Variants in RORA observed in about 807,000 individuals in gnomAD.
The protein encoded by RORA is RAR related orphan receptor A.
Under a neutral mutation model 69.5 loss-of-function variants are expected in RORA, and 7 were observed. That is an observed-to-expected ratio of 0.10 (90% CI 0.06 to 0.19). RORA has a LOEUF of 0.19. Among genes scored for constraint, RORA ranks in the 10% least tolerant of loss-of-function variants. RORA has a pLI of 1.00. For synonymous variants in RORA, 261 were observed against 240.8 expected (o/e 1.08, Z -0.78); for missense variants, 457 against 663.0 (o/e 0.69, Z 3.41).
chr15:61,071,032 G>A (rs1175267218), intron 1 of RORA, among the ~76,000 whole-genome samples: 1 of 151,304 alleles, frequency 6.6e-6, no homozygotes, highest in Non-Finnish European at 1.5e-5. Flanking sequence ...CTGCTGAAAA[G>A]CCATAGTGTA....
In RORA at chr15:60,574,583, C is replaced by T. The variant is rs143965330; in HGVS notation, c.197-42732G>A. Among the ~76,000 whole-genome samples the T allele has an allele frequency of 1.7e-3, 264 of 152,308 alleles. 1 individual carries two copies. Among genetic ancestry groups the T allele is most frequent in the African/African-American group, 6.0e-3 (250 of 41,570 alleles). ...AATACGTGATGTGTACCATTTACCA[C>T]GTGTACAAGAGGATGAGAGGATGGG... On this transcript the variant is annotated intron_variant, in intron 2 of 10. Coordinates refer to ENST00000335670, the MANE Select transcript of RORA (RefSeq NM_134261.3).
chr15:60,840,735 T>TG (rs2073185565), intron 1 of RORA, among the ~76,000 whole-genome samples: 1 of 152,168 alleles, frequency 6.6e-6, no homozygotes, highest in Admixed American at 6.5e-5. Context: ...ATCCCAGGAA[T>TG]GGGGGGCTTA....
intron 1 of RORA, among the ~76,000 whole-genome samples, chr15:60,800,089 C>A (rs1372773302): frequency 1.3e-5 from 2 of 152,236 alleles, no homozygotes; most frequent in African/African-American, 4.8e-5. Flanking sequence ...GCCACCCTCA[C>A]GTTGGTTGCC....
At chr15:61,107,609 C>T (rs2078963376) in intron 1 of RORA, among the ~76,000 whole-genome samples, 1 of 151,706 alleles carries the variant, frequency 6.6e-6, no homozygotes, top group African/African-American at 2.4e-5. Context: ...ACTCTGGAAG[C>T]ACCTAAGATC....
At chr15:60,676,039 C>T (rs942775990) in intron 2 of RORA, among the ~76,000 whole-genome samples, 2 of 152,052 alleles carry the variant, frequency 1.3e-5, no homozygotes, top group Admixed American at 6.6e-5. Context: ...TGAATTCATA[C>T]ACTTCACTGA....
At chr15:60,705,820 A>G (rs1010999656) in intron 1 of RORA, among the ~76,000 whole-genome samples, 4 of 152,232 alleles carry the variant, frequency 2.6e-5, no homozygotes, top group African/African-American at 7.2e-5. Flanking sequence ...TTGCTTAATG[A>G]TCCTACAAGG....
intron 1 of RORA, among the ~76,000 whole-genome samples, chr15:60,929,905 T>C (rs1365681271): frequency 4.6e-5 from 7 of 152,158 alleles, no homozygotes; most frequent in Non-Finnish European, 8.8e-5. Flanking sequence ...GTTCTTGCCT[T>C]CAGACGCATA....
At chr15:60,541,191 T>C (rs1404808999) in intron 2 of RORA, among the ~76,000 whole-genome samples, 1 of 152,196 alleles carries the variant, frequency 6.6e-6, no homozygotes, top group East Asian at 1.9e-4. Flanking sequence ...TTAGAACTCC[T>C]AGAAATTCAA....
chr15:61,012,299 A>G (rs1373128682), intron 1 of RORA, among the ~76,000 whole-genome samples: 2 of 152,192 alleles, frequency 1.3e-5, no homozygotes, highest in Non-Finnish European at 2.9e-5. Context: ...CGCTTTCCCA[A>G]TTTGTTCCTA....
At chr15:61,212,438 C>T (rs1302236633) in intron 1 of RORA, among the ~76,000 whole-genome samples, 1 of 152,142 alleles carries the variant, frequency 6.6e-6, no homozygotes, top group Admixed American at 6.5e-5. Flanking sequence ...CTCACTCTGT[C>T]GCCCAGGCTG....
At chr15:61,107,775 T>C (rs970872907) in intron 1 of RORA, among the ~76,000 whole-genome samples, 1 of 151,824 alleles carries the variant, frequency 6.6e-6, no homozygotes, top group African/African-American at 2.4e-5. Context: ...TTTCAGATGG[T>C]TTCCTCTCCC....
chr15:60,864,887 C>G (rs1455934941), intron 1 of RORA, among the ~76,000 whole-genome samples: 1 of 152,110 alleles, frequency 6.6e-6, no homozygotes, highest in Non-Finnish European at 1.5e-5. Context: ...TCACAGAGCA[C>G]CAAGTAACAC....
chr15:61,011,479 T>C (rs1895083680), intron 1 of RORA, among the ~76,000 whole-genome samples: 1 of 152,142 alleles, frequency 6.6e-6, no homozygotes, highest in Admixed American at 6.5e-5. Context: ...TCTGTGAGCA[T>C]AGTTGGCTTG....
intron 10 of RORA, among the ~76,000 whole-genome samples, chr15:60,498,433 G>A (rs1163788066): frequency 3.3e-5 from 5 of 152,140 alleles, no homozygotes; most frequent in South Asian, 2.1e-4. Flanking sequence ...GTTTCTTTTC[G>A]ATAAGGAGTT....
intron 2 of RORA, among the ~76,000 whole-genome samples, chr15:60,676,564 G>A (rs531301063): frequency 1.3e-5 from 2 of 152,138 alleles, no homozygotes; most frequent in Admixed American, 6.5e-5. Flanking sequence ...TTTCTACATT[G>A]ACTTCAAGCT....
At position 61,059,741 on chromosome 15, in the gene RORA, G is replaced by C. The variant is rs1334528121; in HGVS notation, c.166+169312C>G. Among the ~76,000 whole-genome samples the C allele has an allele frequency of 2.0e-5, 3 of 151,808 alleles. No homozygotes were observed. The East Asian group carries it at 5.8e-4, about 29-fold the overall frequency. Reference sequence around the variant, plus strand: ...GGGCTCAGCCTGAAAGCTGGGAAAAGGACAGATGGTATCAAGGAGAAAAAT... The same window carrying C: ...GGGCTCAGCCTGAAAGCTGGGAAAACGACAGATGGTATCAAGGAGAAAAAT... On this transcript the variant is annotated intron_variant, in intron 1 of 10. Coordinates refer to ENST00000335670, the MANE Select transcript of RORA (RefSeq NM_134261.3).
At chr15:60,571,338 T>TGC (rs1247138580) in intron 2 of RORA, among the ~76,000 whole-genome samples, 4 of 152,162 alleles carry the variant, frequency 2.6e-5, no homozygotes, top group African/African-American at 9.7e-5. Flanking sequence ...TGTGTGTGTG[T>TGC]GCCTGTAAAG....
At chr15:60,904,640 G>T (rs1891481211) in intron 1 of RORA, among the ~76,000 whole-genome samples, 1 of 152,168 alleles carries the variant, frequency 6.6e-6, no homozygotes, top group Non-Finnish European at 1.5e-5. Context: ...CTATACATGT[G>T]AACTGAAACA....
At chr15:60,951,790 A>T (rs1378672196) in intron 1 of RORA, among the ~76,000 whole-genome samples, 2 of 152,236 alleles carry the variant, frequency 1.3e-5, no homozygotes, top group East Asian at 3.8e-4. Context: ...AAATTGTGGC[A>T]ATAGTCAATA....
Sources: gnomAD v4.1 joint callset for allele counts (sites outside exome capture counted in the v4.1 genomes callset) on GRCh38, gnomAD v4.1.1 for gene constraint, MANE v1.5 for transcripts, NCBI Gene and HGNC (gene_info 2026-07-23, HGNC 2026-07-21) for gene names.